PRIM2: variants seen among roughly 807,000 people sequenced by gnomAD.
PRIM2 encodes the protein DNA primase large subunit.
Under a neutral mutation model 67.3 loss-of-function variants are expected in PRIM2, and 39 were observed. That is an observed-to-expected ratio of 0.58 (90% CI 0.45 to 0.76). The LOEUF (loss-of-function observed/expected upper bound fraction) is 0.76, where lower values mean the gene tolerates loss of function less well. Among genes scored for constraint, PRIM2 ranks in the 30% least tolerant of loss-of-function variants. The probability of loss-of-function intolerance (pLI) is 0.00; values close to 1 mark genes in which losing one functional copy is unlikely to be tolerated. For missense variants in PRIM2, 398 were observed against 598.7 expected (o/e 0.66, Z 3.50); for synonymous variants, 143 against 198.7 (o/e 0.72, Z 2.36).
At chr6:57,375,420 G>A (rs1769728795) in intron 5 of PRIM2, among the ~76,000 whole-genome samples, 4 of 152,216 alleles carry the variant, frequency 2.6e-5, no homozygotes, top group Non-Finnish European at 5.9e-5. Flanking sequence ...ATGAAGCCAA[G>A]TTGATCGTGG....
At chr6:57,521,434 T>A (rs1195375180) in intron 8 of PRIM2, among the ~76,000 whole-genome samples, 1 of 143,010 alleles carries the variant, frequency 7.0e-6, no homozygotes, top group Non-Finnish European at 1.5e-5. Flanking sequence ...AAAAAATAGA[T>A]ATATGGGTAA....
the PRIM2 span, among the ~76,000 whole-genome samples, chr6:57,286,375 A>G: frequency 6.6e-6 from 1 of 152,214 alleles, no homozygotes; most frequent in African/African-American, 2.4e-5. Flanking sequence ...AGGCTACAGT[A>G]ACCAAAACAG....
the PRIM2 span, among the ~76,000 whole-genome samples, chr6:57,261,304 A>C: frequency 6.6e-6 from 1 of 152,168 alleles, no homozygotes; most frequent in Non-Finnish European, 1.5e-5. Context: ...CACCAGGGAG[A>C]AGTTGGAACC....
chr6:57,301,112 C>G, the PRIM2 span, among the ~76,000 whole-genome samples: 1 of 152,126 alleles, frequency 6.6e-6, no homozygotes, highest in East Asian at 1.9e-4. Context: ...TCCTTCCTAC[C>G]TGTTGAAAGA....
intron 8 of PRIM2, among the ~76,000 whole-genome samples, chr6:57,521,606 A>G (rs1356939516): frequency 6.6e-6 from 1 of 151,964 alleles, no homozygotes; most frequent in African/African-American, 2.4e-5. Flanking sequence ...CTTACTTTTT[A>G]ATGGTCCAAA....
chr6:57,391,726 T>C (rs1320002674), intron 7 of PRIM2, among the ~76,000 whole-genome samples: 1 of 152,032 alleles, frequency 6.6e-6, no homozygotes, highest in Non-Finnish European at 1.5e-5. Flanking sequence ...GTCTATGTGC[T>C]TGTTTTTGTA....
chr6:57,336,085 G>A (rs549340140), intron 5 of PRIM2, among the ~76,000 whole-genome samples: 58 of 152,242 alleles, frequency 3.8e-4, no homozygotes, highest in Admixed American at 7.2e-4. Context: ...GAGCCGATGC[G>A]ATCAACTGGA....
At chr6:57,281,672 T>A in the PRIM2 span, among the ~76,000 whole-genome samples, 1 of 152,122 alleles carries the variant, frequency 6.6e-6, no homozygotes, top group Non-Finnish European at 1.5e-5. Context: ...GTGGGAATTC[T>A]GGACAAAAGT....
chr6:57,404,582 G>A (rs1218573099), intron 7 of PRIM2, among the ~76,000 whole-genome samples: 4 of 152,076 alleles, frequency 2.6e-5, no homozygotes, highest in African/African-American at 9.7e-5. Context: ...GAATATTTCT[G>A]AAATCCCAAT....
chr6:57,632,499 T>TA (rs1433305613), intron 13 of PRIM2, among the ~76,000 whole-genome samples: 1 of 152,172 alleles, frequency 6.6e-6, no homozygotes, highest in African/African-American at 2.4e-5. Context: ...AGTTTTTCTG[T>TA]AAAGAGCCAG....
chr6:57,624,223 G>A lies in PRIM2; in HGVS notation c.1231-7910G>A, dbSNP rs1191784468. ...AAGCAGGCTTTACATGTGTCTTCTT[G>A]TTTGTCCTCCCTTCCCCCTCATTAT... is the stretch of plus-strand genomic sequence containing the variant. On this transcript the variant is annotated intron_variant, in intron 12 of 13. Coordinates refer to ENST00000615550, the MANE Select transcript of PRIM2 (RefSeq NM_000947.5). Among the ~76,000 whole-genome samples the A allele has an allele frequency of 4.8e-4, 73 of 152,260 alleles. 1 individual carries two copies. Among genetic ancestry groups the A allele is most frequent in the South Asian group, 2.5e-3 (12 of 4,820 alleles).
chr6:57,431,175 T>A (rs878894202), intron 7 of PRIM2, among the ~76,000 whole-genome samples: 2 of 152,196 alleles, frequency 1.3e-5, no homozygotes, highest in African/African-American at 4.8e-5. Flanking sequence ...CTCTTTTTTT[T>A]AATGTGTCCA....
intron 7 of PRIM2, among the ~76,000 whole-genome samples, chr6:57,392,931 G>A (rs9464463): frequency 0.078 from 11,679 of 149,566 alleles, 1,679 homozygotes; most frequent in African/African-American, 0.28. Context: ...ACGTAGAATA[G>A]TAGTGTCTCA....
chr6:57,297,609 C>T, the PRIM2 span, among the ~76,000 whole-genome samples: 21 of 152,174 alleles, frequency 1.4e-4, no homozygotes, highest in Admixed American at 3.3e-4. Context: ...AGATTATAAA[C>T]GGAAAAATAG....
At chr6:57,322,175 A>G (rs1407770243) in intron 3 of PRIM2, among the ~76,000 whole-genome samples, 1 of 152,210 alleles carries the variant, frequency 6.6e-6, no homozygotes, top group Admixed American at 6.5e-5. Context: ...ATACAAGCAC[A>G]CACTTGTACA....
the PRIM2 span, among the ~76,000 whole-genome samples, chr6:57,302,926 A>G: frequency 6.0e-4 from 91 of 152,348 alleles, no homozygotes; most frequent in African/African-American, 2.1e-3. Context: ...AAGATTTCCT[A>G]TTAACCTATT....
intron 7 of PRIM2, among the ~76,000 whole-genome samples, chr6:57,460,023 A>G (rs1377687325): frequency 6.6e-6 from 1 of 152,176 alleles, no homozygotes; most frequent in Non-Finnish European, 1.5e-5. Flanking sequence ...TCACCTAGTC[A>G]TGAAGCATTA....
At chr6:57,309,072 G>A in the PRIM2 span, among the ~76,000 whole-genome samples, 1 of 151,932 alleles carries the variant, frequency 6.6e-6, no homozygotes, top group South Asian at 2.1e-4. Flanking sequence ...TTCCTAGGCA[G>A]AGGTCCCTGC....
chr6:57,464,678 C>T (rs1418148876), intron 7 of PRIM2, among the ~76,000 whole-genome samples: 1 of 152,108 alleles, frequency 6.6e-6, no homozygotes, highest in Non-Finnish European at 1.5e-5. Context: ...AGCCTCTTGA[C>T]TTGGAATAAA....
Sources: allele counts gnomAD v4.1 joint callset (sites outside exome capture counted in the v4.1 genomes callset), GRCh38; gene constraint gnomAD v4.1.1; transcripts MANE v1.5; gene names NCBI Gene and HGNC (gene_info 2026-07-23, HGNC 2026-07-21).